The following PRKCA variants were observed in gnomAD, a reference collection of about 807,000 sequenced individuals.
PRKCA encodes protein kinase C alpha, also known as protein kinase C alpha type.
PRKCA carries 27 observed loss-of-function variants against 87.0 expected under a neutral mutation model. The observed-to-expected ratio is 0.31, with a 90% CI of 0.23 to 0.43. The LOEUF (loss-of-function observed/expected upper bound fraction) is 0.43, where lower values mean the gene tolerates loss of function less well. Among genes scored for constraint, PRKCA ranks in the 20% least tolerant of loss-of-function variants. PRKCA has a pLI of 1.00. For missense variants in PRKCA, 518 were observed against 852.3 expected (o/e 0.61, Z 4.88); for synonymous variants, 329 against 311.1 (o/e 1.06, Z -0.61).
intron 3 of PRKCA, among the ~76,000 whole-genome samples, chr17:66,577,866 A>G (rs552876260): frequency 2.0e-4 from 30 of 152,026 alleles, no homozygotes; most frequent in African/African-American, 7.2e-4. Flanking sequence ...GTGCTGCCCT[A>G]GCCTGTTCCC....
chr17:66,715,440 C>A (rs1973449496), intron 8 of PRKCA, among the ~76,000 whole-genome samples: 1 of 152,298 alleles, frequency 6.6e-6, no homozygotes, highest in Admixed American at 6.5e-5. Context: ...CACCGTGGCT[C>A]CCTCGGACCA....
intron 5 of PRKCA, among the ~76,000 whole-genome samples, chr17:66,673,010 T>G (rs993321784): frequency 1.3e-5 from 2 of 152,158 alleles, no homozygotes; most frequent in South Asian, 4.1e-4. Context: ...GTTACTCCTA[T>G]AATAAGAAAA....
chr17:66,618,352 G>A (rs1179095933), intron 3 of PRKCA, among the ~76,000 whole-genome samples: 3 of 50,124 alleles, frequency 6.0e-5, no homozygotes, highest in African/African-American at 1.9e-4. Flanking sequence ...AAACCCTATC[G>A]CAAAAAAAAA....
chr17:66,589,040 C>A (rs1006775785), intron 3 of PRKCA, among the ~76,000 whole-genome samples: 3 of 152,052 alleles, frequency 2.0e-5, no homozygotes, highest in Admixed American at 6.6e-5. Flanking sequence ...GTTGCTGATA[C>A]CTTAGGTAAT....
intron 2 of PRKCA, among the ~76,000 whole-genome samples, chr17:66,315,340 GGGCA>G (rs113658934): frequency 2.8e-4 from 42 of 152,234 alleles, no homozygotes; most frequent in African/African-American, 9.9e-4. Context: ...ATTCAGACCT[GGGCA>G]GTATGAGTCC....
chr17:66,665,156 G>C (rs1972010981), intron 5 of PRKCA, among the ~76,000 whole-genome samples: 1 of 152,136 alleles, frequency 6.6e-6, no homozygotes, highest in African/African-American at 2.4e-5. Flanking sequence ...GTTATTAAGT[G>C]CTTATTTTGT....
In PRKCA at chr17:66,803,314, G is replaced by A. The variant is rs188001563; in HGVS notation, c.1855-559G>A. On this transcript the variant is annotated intron_variant, in intron 16 of 16. Coordinates refer to ENST00000413366, the MANE Select transcript of PRKCA (RefSeq NM_002737.3). This position sits in a 1 kb window ranked among gnomAD's most constrained non-coding sequence, Gnocchi z 4.4. ...CAGGTGCAAATCTCCCAGCCTTGCCGCCACACCTACCTCATATCGCTTGAA... is the reference window on the plus strand; with the variant it reads ...CAGGTGCAAATCTCCCAGCCTTGCCACCACACCTACCTCATATCGCTTGAA... 1.3e-5 allele frequency among the ~76,000 whole-genome samples: 2 copies of A among 152,286 alleles called. No homozygotes were observed. The highest frequency in any genetic ancestry group is 2.4e-5 in the African/African-American group (1 of 41,556).
chr17:66,452,877 C>CA (rs201273156), intron 2 of PRKCA, among the ~76,000 whole-genome samples: 2 of 152,236 alleles, frequency 1.3e-5, no homozygotes, highest in African/African-American at 2.4e-5. Context: ...AACAAACAAA[C>CA]AAAAAAACAA....
intron 2 of PRKCA, among the ~76,000 whole-genome samples, chr17:66,352,865 G>A (rs1751451315): frequency 1.3e-5 from 2 of 151,632 alleles, no homozygotes; most frequent in African/African-American, 2.4e-5. Context: ...CCCGGCCTGA[G>A]TTGTATTATT....
At chr17:66,336,149 C>T (rs1247656181) in intron 2 of PRKCA, among the ~76,000 whole-genome samples, 2 of 152,088 alleles carry the variant, frequency 1.3e-5, no homozygotes, top group Non-Finnish European at 2.9e-5. Flanking sequence ...ATAGGGAGTG[C>T]TTCATATTTG....
At chr17:66,410,397 TAA>T (rs1911712087) in intron 2 of PRKCA, among the ~76,000 whole-genome samples, 1 of 152,220 alleles carries the variant, frequency 6.6e-6, no homozygotes, top group East Asian at 1.9e-4. Context: ...AAAACTGGAC[TAA>T]GTCATTATAG....
intron 3 of PRKCA, among the ~76,000 whole-genome samples, chr17:66,575,100 C>A (rs978524575): frequency 6.6e-6 from 1 of 152,162 alleles, no homozygotes; most frequent in African/African-American, 2.4e-5. Context: ...AATAAGGATT[C>A]CTTCAGTTCA....
intron 1 of PRKCA, among the ~76,000 whole-genome samples, chr17:66,304,130 C>T (rs1904670036): frequency 6.6e-6 from 1 of 152,196 alleles, no homozygotes; most frequent in African/African-American, 2.4e-5. Flanking sequence ...CCAATGAATT[C>T]AGGCATTCTT....
chr17:66,312,236 C>G (rs1443501832), intron 2 of PRKCA, among the ~76,000 whole-genome samples: 1 of 152,228 alleles, frequency 6.6e-6, no homozygotes, highest in Non-Finnish European at 1.5e-5. Flanking sequence ...CCTGTTTCAG[C>G]CTCCCAAAGT....
intron 3 of PRKCA, among the ~76,000 whole-genome samples, chr17:66,520,223 C>A (rs868473037): frequency 5.3e-5 from 8 of 151,136 alleles, no homozygotes; most frequent in Admixed American, 6.6e-5. Context: ...TGGGTTCAAG[C>A]AATTCTCCTG....
chr17:66,492,422 C>G (rs979847274), intron 2 of PRKCA, among the ~76,000 whole-genome samples: 6 of 152,090 alleles, frequency 3.9e-5, no homozygotes, highest in Non-Finnish European at 8.8e-5. Context: ...ACAGAAAGAA[C>G]AGGTACAAAA....
chr17:66,388,341 C>T (rs1417433542), intron 2 of PRKCA, among the ~76,000 whole-genome samples: 1 of 151,618 alleles, frequency 6.6e-6, no homozygotes, highest in African/African-American at 2.4e-5. Flanking sequence ...CTTGCCCAGA[C>T]TGGAGTGTAA....
At chr17:66,427,801 G>A (rs1912893332) in intron 2 of PRKCA, among the ~76,000 whole-genome samples, 1 of 152,144 alleles carries the variant, frequency 6.6e-6, no homozygotes, top group Non-Finnish European at 1.5e-5. Context: ...GAATGAGTGG[G>A]AAGATCAATT....
chr17:66,732,620 C>T (rs1350183130), intron 8 of PRKCA, 68 bp from the exon 9 acceptor site: 20 of 1,588,996 alleles, frequency 1.3e-5, no homozygotes, highest in East Asian at 6.7e-5. Context: ...AGTTACAACA[C>T]GGTGGTTTCT....
Sources: allele counts gnomAD v4.1 joint callset (sites outside exome capture counted in the v4.1 genomes callset), GRCh38; gene constraint gnomAD v4.1.1; non-coding constraint Gnocchi (gnomAD v3.1); transcripts MANE v1.5; gene names NCBI Gene and HGNC (gene_info 2026-07-23, HGNC 2026-07-21).